Variants in RORA observed in about 807,000 individuals in gnomAD.
RORA encodes RAR related orphan receptor A.
RORA carries 7 observed loss-of-function variants against 69.5 expected under a neutral mutation model. The observed-to-expected ratio is 0.10, with a 90% CI of 0.06 to 0.19. RORA has a LOEUF of 0.19. Among genes scored for constraint, RORA ranks in the 10% least tolerant of loss-of-function variants. The pLI is 1.00. For missense variants in RORA, 457 were observed against 663.0 expected, an observed-to-expected ratio of 0.69 and a Z score of 3.41; for synonymous variants, 261 against 240.8, an observed-to-expected ratio of 1.08 and a Z score of -0.78.
chr15:60,756,098 A>G (rs888179737), intron 1 of RORA, among the ~76,000 whole-genome samples: 1 of 152,220 alleles, frequency 6.6e-6, no homozygotes, highest in African/African-American at 2.4e-5. Flanking sequence ...GTTTCACAAA[A>G]AAAGTTTCTG....
chr15:60,823,155 T>C (rs1191655812), intron 1 of RORA, among the ~76,000 whole-genome samples: 1 of 145,660 alleles, frequency 6.9e-6, no homozygotes, highest in Admixed American at 6.8e-5. Flanking sequence ...CCTTCCTTTC[T>C]TTCATTTTCT....
At chr15:60,981,120 T>C (rs2140360346) in intron 1 of RORA, among the ~76,000 whole-genome samples, 1 of 152,088 alleles carries the variant, frequency 6.6e-6, no homozygotes, top group East Asian at 1.9e-4. Flanking sequence ...TTCAGCACTT[T>C]GAATGTCATC....
intron 1 of RORA, among the ~76,000 whole-genome samples, chr15:60,860,366 T>C (rs1228491547): frequency 3.3e-5 from 5 of 152,174 alleles, no homozygotes; most frequent in Admixed American, 2.6e-4. Context: ...AGGTCAAAAG[T>C]TGCGAGAAAC....
chr15:60,517,318 A>C (rs1019185166), intron 3 of RORA, among the ~76,000 whole-genome samples: 1 of 152,138 alleles, frequency 6.6e-6, no homozygotes, highest in African/African-American at 2.4e-5. Context: ...CTTTCAGCCA[A>C]GGTGCTTGCT....
intron 1 of RORA, among the ~76,000 whole-genome samples, chr15:60,872,711 C>T (rs2073570260): frequency 6.6e-6 from 1 of 152,164 alleles, no homozygotes; most frequent in African/African-American, 2.4e-5. Context: ...TTTCCTATGG[C>T]AGTACATCTG....
At chr15:61,176,386 G>A (rs1207510449) in intron 1 of RORA, 1 of 152,216 alleles carries the variant, frequency 6.6e-6, no homozygotes, top group Non-Finnish European at 1.5e-5. Context: ...GCGGCTGGGA[G>A]ATCACTTGCT....
At chr15:60,628,550 T>C (rs1349726072) in intron 2 of RORA, among the ~76,000 whole-genome samples, 2 of 152,142 alleles carry the variant, frequency 1.3e-5, no homozygotes, top group Non-Finnish European at 2.9e-5. Context: ...TTTTTTTAAA[T>C]ACAGACAGGG....
intron 1 of RORA, among the ~76,000 whole-genome samples, chr15:61,145,277 T>C (rs1033528096): frequency 2.0e-5 from 3 of 152,238 alleles, no homozygotes; most frequent in Non-Finnish European, 4.4e-5. Flanking sequence ...GTGCCTACTA[T>C]ACTAATAGGC....
chr15:61,083,324 T>A (rs1332414341), intron 1 of RORA, among the ~76,000 whole-genome samples: 2 of 152,086 alleles, frequency 1.3e-5, no homozygotes, highest in African/African-American at 4.8e-5. Context: ...AAGATTAAGA[T>A]TACAAAACGC....
chr15:61,095,417 T>C (rs1165530632), intron 1 of RORA, among the ~76,000 whole-genome samples: 1 of 152,226 alleles, frequency 6.6e-6, no homozygotes, highest in Non-Finnish European at 1.5e-5. Context: ...TTTAATAATA[T>C]GTACTAATAA....
At chr15:61,167,482 A>ATTTTTTTTT (rs199752865) in intron 1 of RORA, among the ~76,000 whole-genome samples, 25 of 133,680 alleles carry the variant, frequency 1.9e-4, no homozygotes, top group South Asian at 7.5e-4. Context: ...TTTGACCAGG[A>ATTTTTTTTT]TTTTTTTTTT....
chr15:61,110,169 T>C (rs1223700499), intron 1 of RORA, among the ~76,000 whole-genome samples: 1 of 152,120 alleles, frequency 6.6e-6, no homozygotes, highest in Admixed American at 6.5e-5. Context: ...GAGGCCAAGG[T>C]GGGCGGATCA....
rs548379797 is a variant in RORA, at chr15:60,715,640, TG to T, written c.167-36955del. Among the ~76,000 whole-genome samples the T allele has an allele frequency of 4.6e-5, 7 of 152,298 alleles. No homozygotes were observed. In the East Asian group the frequency reaches 1.2e-3, roughly 25 times the overall value. ...TCTTATTTTTAGAAAGGGAATATAA[TG>T]ACACAATTGGGGTTCCTTTAGCTTT... On this transcript the variant is annotated intron_variant, in intron 1 of 10. Coordinates refer to ENST00000335670, the MANE Select transcript of RORA (RefSeq NM_134261.3).
At chr15:60,631,137 G>T (rs1441121285) in intron 2 of RORA, among the ~76,000 whole-genome samples, 3 of 152,040 alleles carry the variant, frequency 2.0e-5, no homozygotes, top group African/African-American at 7.2e-5. Flanking sequence ...TGATCCACCC[G>T]CCTCGGCCTC....
chr15:61,039,460 T>C (rs1261156350), intron 1 of RORA, among the ~76,000 whole-genome samples: 1 of 152,038 alleles, frequency 6.6e-6, no homozygotes, highest in African/African-American at 2.4e-5. Flanking sequence ...TCTTCCTTGG[T>C]AAAACAGATG....
chr15:61,205,321 C>T (rs2079930729), intron 1 of RORA, among the ~76,000 whole-genome samples: 1 of 152,172 alleles, frequency 6.6e-6, no homozygotes, highest in Non-Finnish European at 1.5e-5. Context: ...GGGGGCAATT[C>T]TGAGGATATG....
At chr15:61,101,793 A>G (rs893044737) in intron 1 of RORA, among the ~76,000 whole-genome samples, 2 of 151,922 alleles carry the variant, frequency 1.3e-5, no homozygotes, top group Admixed American at 6.6e-5. Flanking sequence ...AAAGTGGGAG[A>G]TGGTACAGAG....
intron 3 of RORA, among the ~76,000 whole-genome samples, chr15:60,515,023 A>G (rs1424229301): frequency 6.6e-6 from 1 of 152,214 alleles, no homozygotes; most frequent in Admixed American, 6.5e-5. Context: ...AAGGCACAGG[A>G]CCAGGTCCTT....
At chr15:60,913,682 A>ACGGTTAAAGAATGGCTATGGG (rs1891793055) in intron 1 of RORA, among the ~76,000 whole-genome samples, 1 of 152,210 alleles carries the variant, frequency 6.6e-6, no homozygotes, top group Non-Finnish European at 1.5e-5. Context: ...AGCAGCAGAC[A>ACGGTTAAAGAATGGCTATGGG]CGGTTAAAGA....
Sources: gnomAD v4.1 joint callset for allele counts (sites outside exome capture counted in the v4.1 genomes callset) on GRCh38, gnomAD v4.1.1 for gene constraint, MANE v1.5 for transcripts, NCBI Gene and HGNC (gene_info 2026-07-23, HGNC 2026-07-21) for gene names.